WNK3: variants seen among roughly 807,000 people sequenced by gnomAD.
The protein encoded by WNK3 is WNK lysine deficient protein kinase 3, also known as serine/threonine-protein kinase WNK3.
Under a neutral mutation model 116.7 loss-of-function variants are expected in WNK3, and 18 were observed. The observed-to-expected ratio is 0.15, with a 90% CI of 0.11 to 0.23. WNK3 has a LOEUF of 0.23. Ranked by LOEUF, WNK3 falls within the 10% of genes least tolerant of loss-of-function variation. The probability of loss-of-function intolerance (pLI) is 1.00; values close to 1 mark genes in which losing one functional copy is unlikely to be tolerated. For synonymous variants in WNK3, 404 were observed against 469.4 expected (o/e 0.86, Z 1.80); for missense variants, 993 against 1,323.8 (o/e 0.75, Z 3.88).
chrX:54,214,881 C>CG (rs1358876645), intron 22 of WNK3, among the ~76,000 whole-genome samples: 1 of 109,826 alleles, frequency 9.1e-6, no homozygotes, highest in African/African-American at 3.3e-5. Context: ...GGCGTGGTGG[C>CG]GGGCGCCTGT....
At chrX:54,270,933 C>T (rs187280628) in intron 10 of WNK3, among the ~76,000 whole-genome samples, 2,581 of 111,420 alleles carry the variant, frequency 0.023, 27 homozygotes, top group Non-Finnish European at 0.034. Flanking sequence ...TATGGCTGCA[C>T]GCCTGGCTAA....
At chrX:54,315,336 C>T (rs1209821498) in intron 2 of WNK3, among the ~76,000 whole-genome samples, 2 of 108,987 alleles carry the variant, frequency 1.8e-5, no homozygotes, top group Non-Finnish European at 3.8e-5. Flanking sequence ...TTAATCACCC[C>T]TACACTGTCC....
chrX:54,353,233 C>T (rs1400234613), intron 1 of WNK3, among the ~76,000 whole-genome samples: 1 of 111,358 alleles, frequency 9.0e-6, no homozygotes, highest in East Asian at 2.8e-4. Context: ...TCAAGACAGG[C>T]GGATCACCTG....
At chrX:54,221,395 T>C (rs1474249128) in intron 22 of WNK3, among the ~76,000 whole-genome samples, 1 of 112,324 alleles carries the variant, frequency 8.9e-6, no homozygotes, top group Non-Finnish European at 1.9e-5. Context: ...TATAAAATTG[T>C]GTCAATGAGC....
At chrX:54,251,799 C>T (rs892314056) in intron 13 of WNK3, 112 bp from the exon 14 acceptor site, 1 of 726,797 alleles carries the variant, frequency 1.4e-6, no homozygotes, top group South Asian at 3.4e-5. Flanking sequence ...GGCACAGTGG[C>T]TCATGCCTGT....
chrX:54,343,831 T>A (rs1194458734), intron 1 of WNK3, among the ~76,000 whole-genome samples: 3 of 109,700 alleles, frequency 2.7e-5, no homozygotes, highest in Non-Finnish European at 3.8e-5. Context: ...TCCTAATTTT[T>A]AATTTTTTTT....
chrX:54,350,375 A>C (rs2069498699), intron 1 of WNK3, among the ~76,000 whole-genome samples: 1 of 108,339 alleles, frequency 9.2e-6, no homozygotes, highest in Non-Finnish European at 1.9e-5. Context: ...GTGCCACTGC[A>C]CTCCAGCCTG....
At chrX:54,274,347 G>A (rs1387593589) in intron 10 of WNK3, among the ~76,000 whole-genome samples, 1 of 111,007 alleles carries the variant, frequency 9.0e-6, no homozygotes, top group African/African-American at 3.3e-5. Flanking sequence ...CCATTTCACT[G>A]AGAAAATAAA....
chrX:54,219,655 G>A lies in WNK3; in HGVS notation c.4870+9059C>T, dbSNP rs201933197. Among the ~76,000 whole-genome samples, 5 of 67,458 alleles carry A rather than the reference G, an allele frequency of 7.4e-5. No individual in the cohort carries two copies. The Admixed American group carries it at 1.0e-3, about 14-fold the overall frequency. The allele number at this position is 67,458 out of a possible 115,157, so 58.6% of individuals were successfully genotyped here. On this transcript the variant is annotated intron_variant, in intron 22 of 23. Coordinates refer to ENST00000354646, the Ensembl canonical transcript of WNK3. ...ATCGCGCCAGCCTGGGCAACAAAAC[G>A]AGACTCCATCTCCCAAAAAAAAAAA...
At chrX:54,291,020 CAAT>C (rs782468392) in intron 10 of WNK3, among the ~76,000 whole-genome samples, 70 of 111,539 alleles carry the variant, frequency 6.3e-4, no homozygotes, top group Non-Finnish European at 1.1e-3. Context: ...CAAACATAAA[CAAT>C]AAGTTGTTGG....
intron 7 of WNK3, among the ~76,000 whole-genome samples, chrX:54,295,059 G>A (rs2068683160): frequency 9.2e-6 from 1 of 108,623 alleles, no homozygotes; most frequent in Non-Finnish European, 1.9e-5. Flanking sequence ...ACCACGCCCA[G>A]CTAATTTTTT....
intron 21 of WNK3, among the ~76,000 whole-genome samples, chrX:54,229,481 G>A (rs1488884280): frequency 9.1e-6 from 1 of 110,040 alleles, no homozygotes; most frequent in Non-Finnish European, 1.9e-5. Context: ...CAAAATCACA[G>A]CAGGATTTTT....
chrX:54,222,332 C>T (rs1378404410), intron 22 of WNK3, among the ~76,000 whole-genome samples: 1 of 110,156 alleles, frequency 9.1e-6, no homozygotes, highest in African/African-American at 3.3e-5. Flanking sequence ...AGGAGGATTG[C>T]TTAAGCCCAG....
intron 1 of WNK3, among the ~76,000 whole-genome samples, chrX:54,337,442 T>G (rs2069254103): frequency 9.2e-6 from 1 of 108,679 alleles, no homozygotes; most frequent in African/African-American, 3.3e-5. Context: ...GTGCCTGTAA[T>G]CTCAGCTACT....
At chrX:54,237,534 C>A in exon 20 of WNK3, 1 of 1,165,429 alleles carries the variant, frequency 8.6e-7, no homozygotes. Context: ...CTGACTGCTG[C>A]TGAGGAATTG....
At chrX:54,345,211 C>T (rs1264893135) in intron 1 of WNK3, among the ~76,000 whole-genome samples, 2 of 103,877 alleles carry the variant, frequency 1.9e-5, no homozygotes, top group African/African-American at 3.5e-5. Context: ...CACTGCACTC[C>T]AGCCTGGGGA....
chrX:54,278,080 T>A, intron 10 of WNK3, among the ~76,000 whole-genome samples: 1 of 98,653 alleles, frequency 1.0e-5, no homozygotes, highest in African/African-American at 3.8e-5. Flanking sequence ...GGCAACAGAG[T>A]GAGACCCTGC....
At chrX:54,250,065 T>C in exon 16 of WNK3, 1 of 1,203,748 alleles carries the variant, frequency 8.3e-7, no homozygotes, top group Non-Finnish European at 1.1e-6. Flanking sequence ...AGTCTCACGG[T>C]TTCTTATCGT....
At chrX:54,201,566 G>C (rs1219153692) in intron 23 of WNK3, among the ~76,000 whole-genome samples, 1 of 111,844 alleles carries the variant, frequency 8.9e-6, no homozygotes, top group Non-Finnish European at 1.9e-5. Context: ...CTTCATTCCA[G>C]ACGCTTTCTT....
Sources: allele counts gnomAD v4.1 joint callset (sites outside exome capture counted in the v4.1 genomes callset), GRCh38; gene constraint gnomAD v4.1.1; transcripts MANE v1.5; gene names NCBI Gene and HGNC (gene_info 2026-07-23, HGNC 2026-07-21).